PLCB1: variants seen among roughly 807,000 people sequenced by gnomAD.
The protein encoded by PLCB1 is phospholipase C beta 1.
PLCB1 carries 46 observed loss-of-function variants against 161.8 expected under a neutral mutation model. The ratio of observed to expected loss-of-function variants is 0.28; its 90% CI spans 0.22 to 0.36. The LOEUF (loss-of-function observed/expected upper bound fraction) is 0.36. Among genes scored for constraint, PLCB1 ranks in the 10% least tolerant of loss-of-function variants. The probability of loss-of-function intolerance (pLI) is 1.00; values close to 1 mark genes in which losing one functional copy is unlikely to be tolerated. For missense variants in PLCB1, 1,016 were observed against 1,472.5 expected, an observed-to-expected ratio of 0.69 and a Z score of 5.07; for synonymous variants, 517 against 503.7, an observed-to-expected ratio of 1.03 and a Z score of -0.35.
intron 3 of PLCB1, among the ~76,000 whole-genome samples, chr20:8,506,252 T>A (rs1450109386): frequency 6.6e-6 from 1 of 152,224 alleles, no homozygotes; most frequent in Non-Finnish European, 1.5e-5. Flanking sequence ...CAGCATAGAA[T>A]TCTAAGCTCT....
intron 3 of PLCB1, among the ~76,000 whole-genome samples, chr20:8,482,994 CATTTTTCTCTCCAA>C (rs1323521875): frequency 6.6e-6 from 1 of 151,620 alleles, no homozygotes; most frequent in Non-Finnish European, 1.5e-5. Flanking sequence ...ATGTGGGAGA[CATTTTTCTCTCCAA>C]GTGCCTGAAA....
rs148776655 is a variant in PLCB1, at chr20:8,830,146, G to A, written c.3423+39885G>A. 5.4e-3 allele frequency among the ~76,000 whole-genome samples: 824 copies of A among 152,330 alleles called. 14 individuals carry two copies. The South Asian group carries it at 0.069, about 13-fold the overall frequency. On this transcript the variant is annotated intron_variant, in intron 31 of 31. Coordinates refer to ENST00000338037, the MANE Select transcript of PLCB1 (RefSeq NM_015192.4). The stretch of plus-strand genomic sequence containing the variant: ...TTAAGTCAATATAAGAGATGTGTGA[G>A]TAGGAATGAGAACTCTTAGAAATCA...
At chr20:8,545,633 A>C (rs1001853035) in intron 3 of PLCB1, among the ~76,000 whole-genome samples, 2 of 152,184 alleles carry the variant, frequency 1.3e-5, no homozygotes, top group Non-Finnish European at 2.9e-5. Context: ...AATTGGCTGG[A>C]CCTTAAAACC....
intron 9 of PLCB1, among the ~76,000 whole-genome samples, chr20:8,666,218 T>TA (rs1219798040): frequency 6.6e-6 from 1 of 152,174 alleles, no homozygotes. Flanking sequence ...TTCTCCTTCT[T>TA]AGCTGCCTTT....
intron 1 of PLCB1, among the ~76,000 whole-genome samples, chr20:8,148,727 G>A (rs1157118965): frequency 1.3e-5 from 2 of 152,146 alleles, no homozygotes; most frequent in Non-Finnish European, 2.9e-5. Flanking sequence ...TAAACAGGAA[G>A]GAGATATGAC....
At chr20:8,816,546 A>G (rs969261624) in intron 31 of PLCB1, among the ~76,000 whole-genome samples, 6 of 152,236 alleles carry the variant, frequency 3.9e-5, no homozygotes, top group Admixed American at 3.3e-4. Context: ...GAACAAAAAC[A>G]TGTTCAGACA....
intron 3 of PLCB1, among the ~76,000 whole-genome samples, chr20:8,407,755 T>TTG (rs1266154214): frequency 4.3e-4 from 66 of 152,288 alleles, no homozygotes; most frequent in African/African-American, 1.5e-3. Context: ...ACATTTTCAG[T>TTG]ATTAAGTCAT....
chr20:8,333,877 C>T lies in PLCB1; in HGVS notation c.178-37505C>T, dbSNP rs929544373. 6.6e-5 allele frequency among the ~76,000 whole-genome samples: 10 copies of T among 152,272 alleles called. No individual in the cohort carries two copies. The South Asian group carries it at 1.2e-3, about 19-fold the overall frequency. ...AACAAGACTGTTTTGGTTCTCAATT[C>T]GCATTCTGTGGTGGAATAAACATTG... On this transcript the variant is annotated intron_variant, in intron 2 of 31. Coordinates refer to ENST00000338037, the MANE Select transcript of PLCB1 (RefSeq NM_015192.4).
chr20:8,255,122 A>T (rs1469095658), intron 2 of PLCB1, among the ~76,000 whole-genome samples: 2 of 152,104 alleles, frequency 1.3e-5, no homozygotes, highest in Admixed American at 1.3e-4. Flanking sequence ...TTCACAGCAG[A>T]TGTAAACTAA....
At chr20:8,345,984 GGTCCTCACATAAA>G (rs1439326208) in intron 2 of PLCB1, among the ~76,000 whole-genome samples, 1 of 152,164 alleles carries the variant, frequency 6.6e-6, no homozygotes, top group African/African-American at 2.4e-5. Flanking sequence ...GGTTTGGTAT[GGTCCTCACATAAA>G]GTAAAGAGGC....
chr20:8,655,788 T>G (rs904892127), intron 7 of PLCB1, among the ~76,000 whole-genome samples: 1 of 152,036 alleles, frequency 6.6e-6, no homozygotes, highest in Non-Finnish European at 1.5e-5. Flanking sequence ...GTTCTTGCAA[T>G]TGATTTTAAA....
chr20:8,454,876 T>A (rs1981230471), intron 3 of PLCB1, among the ~76,000 whole-genome samples: 1 of 152,222 alleles, frequency 6.6e-6, no homozygotes, highest in South Asian at 2.1e-4. Flanking sequence ...AAAATGTATA[T>A]TTCATGCATT....
chr20:8,244,708 T>C (rs940418313), intron 2 of PLCB1, among the ~76,000 whole-genome samples: 1 of 152,038 alleles, frequency 6.6e-6, no homozygotes, highest in East Asian at 1.9e-4. Flanking sequence ...TCCCCATGTA[T>C]ATGCTATACC....
At chr20:8,167,960 G>A (rs2051692228) in intron 2 of PLCB1, among the ~76,000 whole-genome samples, 1 of 152,078 alleles carries the variant, frequency 6.6e-6, no homozygotes, top group Non-Finnish European at 1.5e-5. Context: ...CTGCTGATAT[G>A]GCTGGCCTCT....
At chr20:8,135,123 T>C (rs2051332802) in intron 1 of PLCB1, among the ~76,000 whole-genome samples, 1 of 152,206 alleles carries the variant, frequency 6.6e-6, no homozygotes, top group African/African-American at 2.4e-5. Context: ...AGACAGTGTG[T>C]TGAAGACAAA....
At chr20:8,624,464 A>G (rs1319305732) in intron 3 of PLCB1, among the ~76,000 whole-genome samples, 2 of 152,226 alleles carry the variant, frequency 1.3e-5, no homozygotes, top group Non-Finnish European at 2.9e-5. Context: ...TGGCATGCAA[A>G]TAAAATAACC....
chr20:8,173,578 A>T (rs1051817107), intron 2 of PLCB1, among the ~76,000 whole-genome samples: 1 of 152,218 alleles, frequency 6.6e-6, no homozygotes, highest in Non-Finnish European at 1.5e-5. Flanking sequence ...ATACAAAAAT[A>T]AAACGTCCAG....
chr20:8,536,125 ATAGC>A (rs1156335264), intron 3 of PLCB1, among the ~76,000 whole-genome samples: 1 of 152,200 alleles, frequency 6.6e-6, no homozygotes, highest in Non-Finnish European at 1.5e-5. Context: ...AAATTACCAA[ATAGC>A]TAACTGAAGT....
At chr20:8,379,404 A>G (rs1339425522) in intron 3 of PLCB1, among the ~76,000 whole-genome samples, 2 of 152,220 alleles carry the variant, frequency 1.3e-5, no homozygotes, top group Non-Finnish European at 2.9e-5. Flanking sequence ...TAGTGCTGCA[A>G]TAAACATATG....
Sources: gnomAD v4.1 joint callset for allele counts (sites outside exome capture counted in the v4.1 genomes callset) on GRCh38, gnomAD v4.1.1 for gene constraint, MANE v1.5 for transcripts, NCBI Gene and HGNC (gene_info 2026-07-23, HGNC 2026-07-21) for gene names.